Variants in SAA4 observed in about 807,000 individuals in gnomAD.
SAA4 encodes the protein serum amyloid A4, constitutive.
A neutral mutation model predicts 11.2 loss-of-function variants in SAA4; 8 were observed. The observed-to-expected ratio is 0.71, with a 90% CI of 0.42 to 1.29. SAA4 has a LOEUF of 1.29. SAA4 is among the 50% of genes most tolerant of loss of function. The probability of loss-of-function intolerance (pLI) is 0.01; values close to 1 mark genes in which losing one functional copy is unlikely to be tolerated. For missense variants in SAA4, 171 were observed against 164.2 expected (o/e 1.04, Z -0.23); for synonymous variants, 60 against 56.2 (o/e 1.07, Z -0.30).
intron 2 of SAA4, among the ~76,000 whole-genome samples, chr11:18,232,905 T>C (rs770750888): frequency 8.5e-5 from 13 of 152,246 alleles, no homozygotes; most frequent in Admixed American, 4.6e-4. Flanking sequence ...CTGTGTGTAC[T>C]GTGTACAAAG....
chr11:18,232,629 A>C (rs1258753966), intron 2 of SAA4, 96 bp from the exon 3 acceptor site: 1 of 1,515,582 alleles, frequency 6.6e-7, no homozygotes, highest in Non-Finnish European at 8.9e-7. Flanking sequence ...TTGGCCCTTG[A>C]CAAAATAATC....
chr11:18,235,338 T>G (rs1171130827), intron 2 of SAA4, among the ~76,000 whole-genome samples: 1 of 120,386 alleles, frequency 8.3e-6, no homozygotes, highest in Non-Finnish European at 1.8e-5. Flanking sequence ...CTGTGGCTAA[T>G]CAGTAGAAAT....
chr11:18,232,042 G>A (rs2134125141), intron 3 of SAA4, among the ~76,000 whole-genome samples: 1 of 151,900 alleles, frequency 6.6e-6, no homozygotes, highest in East Asian at 1.9e-4. Context: ...CACCACGCCT[G>A]GCTAATTTCT....
At chr11:18,234,360 G>C (rs1022529620) in intron 2 of SAA4, among the ~76,000 whole-genome samples, 4 of 152,152 alleles carry the variant, frequency 2.6e-5, no homozygotes, top group African/African-American at 9.7e-5. Context: ...GTGTAATATG[G>C]ATGTTTGTAT....
Position 18,232,517 on chromosome 11 carries a change from G to T in SAA4, c.108C>A (p.Gly36=), listed in dbSNP as rs766085989. The part of the protein sequence containing the change: ...KEALQGVGDM[G]RAYWDIMISN... The stretch of plus-strand genomic sequence containing the variant: ...ATATCATTATGTCCCAATAGGCTCT[G>T]CCCATGTCCCCAACCCCTGGAAAGA... Residue 36 remains glycine (G), a synonymous_variant, in exon 3 of 4, where the codon GGC becomes GGA. Transcript: ENST00000278222. 6.2e-7 allele frequency: 1 copy of T among 1,613,952 alleles called. No homozygotes were observed. The highest frequency in any genetic ancestry group is 8.5e-7 in the Non-Finnish European group (1 of 1,179,968).
chr11:18,234,363 G>A (rs1857181236), intron 2 of SAA4, among the ~76,000 whole-genome samples: 1 of 152,174 alleles, frequency 6.6e-6, no homozygotes, highest in Non-Finnish European at 1.5e-5. Flanking sequence ...TAATATGGAT[G>A]TTTGTATGTG....
At chr11:18,236,288 G>A (rs375040310) in intron 1 of SAA4, among the ~76,000 whole-genome samples, 3 of 146,184 alleles carry the variant, frequency 2.1e-5, no homozygotes, top group Admixed American at 7.0e-5. Flanking sequence ...GGCTAGTCTC[G>A]AACTCCTGGC....
chr11:18,236,272 G>A (rs1037583822), intron 1 of SAA4, among the ~76,000 whole-genome samples: 6 of 140,856 alleles, frequency 4.3e-5, no homozygotes, highest in Admixed American at 3.7e-4. Flanking sequence ...ATGTATGTTC[G>A]GCCCAGGCTA....
At chr11:18,233,790 C>T (rs116292442) in intron 2 of SAA4, among the ~76,000 whole-genome samples, 2,334 of 151,808 alleles carry the variant, frequency 0.015, 56 homozygotes, top group African/African-American at 0.052. Context: ...GCTGGGATTA[C>T]GAGTGTGAGT....
rs760298674 is a variant in SAA4 at position 18,235,859 on chromosome 11, G to T, written c.68C>A (p.Ser23Ter). ...VMGVTSESWRSFFKEALQGVG... is the reference protein window; with the variant it reads ...VMGVTSESWR ...ACCTTGGAGAGCCTCCTTGAAAAAC[G>T]AACGCCAGCTTTCACTGGTGACTCC... Residue 23 changes from serine (S) to a stop codon, truncating the protein, a stop_gained, in exon 2 of 4, where the codon TCG (serine) becomes TAG (stop). Coordinates refer to ENST00000278222, the MANE Select transcript of SAA4 (RefSeq NM_006512.4). LOFTEE classifies it high-confidence loss of function. 3.1e-6 allele frequency: 5 copies of T among 1,613,382 alleles called. No homozygotes were observed. The South Asian group carries it at 4.4e-5, about 14-fold the overall frequency.
At chr11:18,234,916 T>C (rs1207199033) in intron 2 of SAA4, among the ~76,000 whole-genome samples, 5 of 152,210 alleles carry the variant, frequency 3.3e-5, no homozygotes, top group Non-Finnish European at 5.9e-5. Context: ...ACTTCACTTC[T>C]AAGATTCTGA....
chr11:18,232,132 C>G (rs1330969856), intron 3 of SAA4, among the ~76,000 whole-genome samples: 1 of 152,008 alleles, frequency 6.6e-6, no homozygotes, highest in African/African-American at 2.4e-5. Context: ...ATCCTCCCAC[C>G]TTGTCCTCCC....
At position 18,232,249 on chromosome 11, in the gene SAA4, T is replaced by A. The variant is rs904620042; in HGVS notation, c.230+146A>T. On this transcript the variant is annotated intron_variant, in intron 3 of 3. Coordinates refer to ENST00000278222, the MANE Select transcript of SAA4 (RefSeq NM_006512.4). ...TTTCCCTTGTGGGTGAAAGGAGACA[T>A]GTCTTCACCAGCCTTGCTCTGGCTC... 11 of 1,243,734 alleles carry A rather than the reference T, an allele frequency of 8.8e-6. No individual in the cohort carries two copies. The Admixed American group carries it at 2.4e-4, about 27-fold the overall frequency. 77.0% of individuals were successfully genotyped at this position (1,243,734 alleles called of 1,614,324 possible). A position where few individuals can be genotyped will look rare whatever the true frequency, so the allele number is the denominator to read the frequency against.
At chr11:18,236,222 A>ATT (rs36090595) in intron 1 of SAA4, among the ~76,000 whole-genome samples, 3,609 of 129,500 alleles carry the variant, frequency 0.028, 159 homozygotes, top group African/African-American at 0.084. Context: ...CACTCAGCTA[A>ATT]TTTTTTTTTT....
Position 18,232,613 on chromosome 11 carries a change from C to T in SAA4, c.92-80G>A, listed in dbSNP as rs1857152356. 36 of 1,537,934 alleles carry T rather than the reference C, an allele frequency of 2.3e-5. No individual in the cohort carries two copies. The South Asian group carries it at 4.6e-4, about 20-fold the overall frequency. On this transcript the variant is annotated intron_variant, in intron 2 of 3. Coordinates refer to ENST00000278222, the MANE Select transcript of SAA4 (RefSeq NM_006512.4). ...GAAATGAACATTTTCCACTGATTTCCAGATTTTGGCCCTTGACAAAATAAT... is the reference window on the plus strand; with the variant it reads ...GAAATGAACATTTTCCACTGATTTCTAGATTTTGGCCCTTGACAAAATAAT...
At chr11:18,231,807 A>T (rs1857138939) in intron 3 of SAA4, 143 bp from the exon 4 acceptor site, 1 of 1,065,154 alleles carries the variant, frequency 9.4e-7, no homozygotes, top group Non-Finnish European at 1.3e-6. Context: ...AAGGGGAAGA[A>T]AACTATCAAT....
chr11:18,232,640 CT>C, intron 2 of SAA4, 107 bp from the exon 3 acceptor site: 1 of 1,485,138 alleles, frequency 6.7e-7, no homozygotes, highest in Non-Finnish European at 9.1e-7. Context: ...CAAAATAATC[CT>C]TTGAAATCAT....
chr11:18,232,204 G>T (rs1277825078), intron 3 of SAA4, among the ~76,000 whole-genome samples, 191 bp downstream of exon 3: 2 of 123,184 alleles, frequency 1.6e-5, no homozygotes, highest in Non-Finnish European at 3.6e-5. Flanking sequence ...GTGCTTTCAA[G>T]ACCTCTCCTC....
At chr11:18,235,315 T>G (rs1857192689) in intron 2 of SAA4, among the ~76,000 whole-genome samples, 1 of 151,992 alleles carries the variant, frequency 6.6e-6, no homozygotes, top group Non-Finnish European at 1.5e-5. Flanking sequence ...TTCCCAGCCG[T>G]ATCTCAGCCC....
Sources: allele counts gnomAD v4.1 joint callset (sites outside exome capture counted in the v4.1 genomes callset), GRCh38; gene constraint gnomAD v4.1.1; transcripts MANE v1.5; gene names NCBI Gene and HGNC (gene_info 2026-07-23, HGNC 2026-07-21).